Variants in SORCS1 observed in about 807,000 individuals in gnomAD.
SORCS1 encodes sortilin related VPS10 domain containing receptor 1.
A neutral mutation model predicts 146.1 loss-of-function variants in SORCS1; 60 were observed. The ratio of observed to expected loss-of-function variants is 0.41; its 90% CI spans 0.33 to 0.51. SORCS1 has a LOEUF of 0.51. Ranked by LOEUF, SORCS1 falls within the 20% of genes least tolerant of loss-of-function variation. The pLI, the probability that SORCS1 is intolerant of heterozygous loss-of-function variation, is 0.21. For missense variants in SORCS1, 1,352 were observed against 1,487.6 expected, an observed-to-expected ratio of 0.91 and a Z score of 1.50; for synonymous variants, 637 against 584.0, an observed-to-expected ratio of 1.09 and a Z score of -1.31.
At chr10:107,141,214 A>T (rs1387955928) in intron 1 of SORCS1, among the ~76,000 whole-genome samples, 1 of 152,210 alleles carries the variant, frequency 6.6e-6, no homozygotes, top group Non-Finnish European at 1.5e-5. Flanking sequence ...ACTCAAGTAG[A>T]GTTCATAAGA....
intron 1 of SORCS1, among the ~76,000 whole-genome samples, chr10:107,070,886 T>G (rs767808734): frequency 5.3e-5 from 8 of 151,926 alleles, no homozygotes; most frequent in Non-Finnish European, 8.8e-5. Flanking sequence ...TATAAAGAGA[T>G]TTGTAATTAT....
chr10:106,688,272 T>C lies in SORCS1; in HGVS notation c.1480A>G (p.Thr494Ala), dbSNP rs771002415. The C allele has an allele frequency of 9.3e-6, 15 of 1,613,942 alleles. No homozygotes were observed. Among genetic ancestry groups the C allele is most frequent in the Non-Finnish European group, 1.3e-5 (15 of 1,179,946 alleles). ...CGCCAGTCTCTGCCTTTGTTATATGTGATGAAAGTCTTCACTTGGTTGTCA... is the reference window on the plus strand; with the variant it reads ...CGCCAGTCTCTGCCTTTGTTATATGCGATGAAAGTCTTCACTTGGTTGTCA... ...KIDNQVKTFI[T>A]YNKGRDWRLL... is the part of the protein sequence containing the mutation. The change falls in exon 10 of 26, where the codon ACA (threonine) becomes GCA (alanine). Residue 494 changes from threonine to alanine, a missense_variant. Physicochemically the swap from Thr to Ala is moderately conservative, Grantham distance 58. Transcript: ENST00000263054.
chr10:107,018,869 C>T (rs1354617841), intron 1 of SORCS1, among the ~76,000 whole-genome samples: 5 of 152,094 alleles, frequency 3.3e-5, no homozygotes, highest in East Asian at 1.9e-4. Flanking sequence ...TAAGAAAGAA[C>T]GTTTTTAAAA....
At chr10:106,959,646 C>T (rs1211361306) in intron 1 of SORCS1, among the ~76,000 whole-genome samples, 2 of 152,184 alleles carry the variant, frequency 1.3e-5, no homozygotes, top group African/African-American at 4.8e-5. Context: ...ATTTTTCAAA[C>T]TCAAAATGGG....
Position 106,806,515 on chromosome 10 carries a change from T to C in SORCS1, c.726+23059A>G, listed in dbSNP as rs1338663940. Among the ~76,000 whole-genome samples, 177 of 108,506 alleles carry C rather than the reference T, an allele frequency of 1.6e-3. 10 individuals carry two copies. The highest frequency in any genetic ancestry group is 6.2e-3 in the African/African-American group (174 of 28,116). The allele number at this position is 108,506 out of a possible 152,430, so 71.2% of individuals were successfully genotyped here. On this transcript the variant is annotated intron_variant, in intron 3 of 25. Transcript: ENST00000263054. ...GATGAGAGAGGAAGCCTTTTTTTTT[T>C]TTTTTTTTTTTTTTTTTTGAGATGG...
At chr10:107,072,980 T>C (rs900630239) in intron 1 of SORCS1, among the ~76,000 whole-genome samples, 1 of 152,196 alleles carries the variant, frequency 6.6e-6, no homozygotes, top group Non-Finnish European at 1.5e-5. Flanking sequence ...GCTGCAGGGT[T>C]ACTAGAGTTC....
In SORCS1 at chr10:106,913,440, T is replaced by G. The variant is rs191720068; in HGVS notation, c.626+43073A>C. Among the ~76,000 whole-genome samples the G allele has an allele frequency of 1.9e-3, 288 of 152,304 alleles. 2 individuals carry two copies. Among genetic ancestry groups the G allele is most frequent in the South Asian group, 0.015 (72 of 4,824 alleles). On this transcript the variant is annotated intron_variant, in intron 2 of 25. Coordinates refer to ENST00000263054, the MANE Select transcript of SORCS1 (RefSeq NM_052918.5). ...CAGGAACTGACTTCATGGATTTTCA[T>G]GTGGAGGCGATAGTATTTACATCTC...
intron 5 of SORCS1, among the ~76,000 whole-genome samples, chr10:106,736,407 G>A (rs1370552644): frequency 6.6e-6 from 1 of 152,158 alleles, no homozygotes; most frequent in Non-Finnish European, 1.5e-5. Context: ...GGAGACCCCT[G>A]CCTTCCTCTT....
chr10:106,850,190 T>G (rs1258265582), intron 2 of SORCS1, among the ~76,000 whole-genome samples: 2 of 151,862 alleles, frequency 1.3e-5, no homozygotes, highest in Admixed American at 1.3e-4. Context: ...CCAGCCTCGC[T>G]GCCGCCTTGC....
rs780664913 is a variant in SORCS1, at chr10:106,829,565, A to G, written c.726+9T>C. ...TGAATGAGTAGCATGCTGAATATAC[A>G]TTTCTTACCTTACGCTTGTTGGTAG... On this transcript the variant is annotated intron_variant, in intron 3 of 25. Transcript: ENST00000263054. The G allele has an allele frequency of 6.4e-7, 1 of 1,573,316 alleles. No homozygotes were observed. Among genetic ancestry groups the G allele is most frequent in the East Asian group, 2.3e-5 (1 of 44,060 alleles).
intron 6 of SORCS1, among the ~76,000 whole-genome samples, chr10:106,719,186 G>A (rs960124942): frequency 4.1e-4 from 63 of 152,172 alleles, no homozygotes; most frequent in African/African-American, 1.5e-3. Flanking sequence ...AAGCAAGAAT[G>A]AAAAGTGGAA....
At chr10:107,085,155 G>A (rs1963664601) in intron 1 of SORCS1, among the ~76,000 whole-genome samples, 1 of 152,214 alleles carries the variant, frequency 6.6e-6, no homozygotes, top group Admixed American at 6.5e-5. Context: ...GAAAGACAGA[G>A]ATAGACACAG....
chr10:106,873,307 C>G (rs1007883170), intron 2 of SORCS1, among the ~76,000 whole-genome samples: 1 of 123,436 alleles, frequency 8.1e-6, no homozygotes, highest in Non-Finnish European at 1.7e-5. Context: ...GAGCAAAACT[C>G]GGTCTCAAAA....
intron 1 of SORCS1, among the ~76,000 whole-genome samples, chr10:107,003,874 C>A (rs944879247): frequency 1.3e-5 from 2 of 152,022 alleles, no homozygotes; most frequent in African/African-American, 4.8e-5. Flanking sequence ...CAACAAATCC[C>A]TTTTTAAAGC....
intron 4 of SORCS1, among the ~76,000 whole-genome samples, chr10:106,762,122 A>C (rs1191509107): frequency 6.6e-6 from 1 of 152,196 alleles, no homozygotes; most frequent in East Asian, 1.9e-4. Flanking sequence ...AAAATAATGC[A>C]GAAGACAGGA....
chr10:106,668,554 C>G (rs956610446), intron 16 of SORCS1, among the ~76,000 whole-genome samples: 4 of 152,112 alleles, frequency 2.6e-5, no homozygotes, highest in Non-Finnish European at 5.9e-5. Flanking sequence ...CAAATTGCAC[C>G]TCCACATGCA....
intron 1 of SORCS1, among the ~76,000 whole-genome samples, chr10:106,989,984 C>T (rs924165751): frequency 1.2e-4 from 19 of 152,028 alleles, no homozygotes; most frequent in Admixed American, 6.6e-5. Flanking sequence ...CCACACCCGG[C>T]CTACCCATGT....
At chr10:106,701,491 A>G (rs1854136081) in intron 8 of SORCS1, among the ~76,000 whole-genome samples, 1 of 152,180 alleles carries the variant, frequency 6.6e-6, no homozygotes, top group Middle Eastern at 3.2e-3. Flanking sequence ...GTATCTCACT[A>G]TTGGTTTTTA....
chr10:107,145,313 G>T (rs1031927866), intron 1 of SORCS1, among the ~76,000 whole-genome samples: 5 of 152,184 alleles, frequency 3.3e-5, no homozygotes, highest in African/African-American at 1.2e-4. Context: ...AAAATGAGGA[G>T]CCTGGAGAAA....
Sources: allele counts gnomAD v4.1 joint callset (sites outside exome capture counted in the v4.1 genomes callset), GRCh38; gene constraint gnomAD v4.1.1; transcripts MANE v1.5; gene names NCBI Gene and HGNC (gene_info 2026-07-23, HGNC 2026-07-21).